Variants in ARGFX observed in about 807,000 individuals in gnomAD.
ARGFX encodes arginine-fifty homeobox.
In ARGFX, 10 loss-of-function variants were observed where a neutral mutation model predicts 8.0. The ratio of observed to expected loss-of-function variants is 1.25; its 90% CI spans 0.77 to 2.12. The LOEUF is 2.12. Among genes scored for constraint, ARGFX ranks in the 30% most tolerant of loss-of-function variants. ARGFX has a pLI of 0.00. For missense variants in ARGFX, 282 were observed against 324.3 expected (o/e 0.87, Z 1.00); for synonymous variants, 116 against 117.8 (o/e 0.98, Z 0.10).
chr3:121,572,152 G>A (rs917536829), intron 2 of ARGFX, among the ~76,000 whole-genome samples: 26 of 150,540 alleles, frequency 1.7e-4, no homozygotes, highest in African/African-American at 5.1e-4. Context: ...CTTGTGATCC[G>A]CCTGCCTCTG....
chr3:121,588,645 G>A lies in ARGFX; in HGVS notation c.*2045G>A, dbSNP rs1416271949. Among the ~76,000 whole-genome samples the A allele has an allele frequency of 6.6e-6, 1 of 151,536 alleles. No individual in the cohort carries two copies. The highest frequency in any genetic ancestry group is 2.4e-5 in the African/African-American group (1 of 41,258). Reference sequence around the variant, plus strand: ...AGAAAATGTTTTGAATAGGCCAGGCGCAGTGGCTCACACCTGTAATCCCAG... The same window carrying A: ...AGAAAATGTTTTGAATAGGCCAGGCACAGTGGCTCACACCTGTAATCCCAG... On this transcript the variant is annotated 3_prime_UTR_variant, in exon 5 of 5. Coordinates refer to ENST00000334384, the MANE Select transcript of ARGFX (RefSeq NM_001012659.2).
intron 3 of ARGFX, among the ~76,000 whole-genome samples, chr3:121,584,204 GAGGAAGGAAGGAAGGAAGGAAGGA>G (rs749567796): frequency 2.3e-3 from 241 of 104,310 alleles, no homozygotes; most frequent in Middle Eastern, 4.7e-3. Context: ...GACAGAGAGA[GAGGAAGGAAGGAAGGAAGGAAGGA>G]AGGAAGGAAG....
chr3:121,571,424 A>C (rs1401555302), intron 2 of ARGFX, among the ~76,000 whole-genome samples: 1 of 152,032 alleles, frequency 6.6e-6, no homozygotes, highest in Non-Finnish European at 1.5e-5. Context: ...ATAGCATCAA[A>C]AATAATTAGG....
chr3:121,589,428 AC>A lies in ARGFX; in HGVS notation c.*2831del, dbSNP rs1414039470. Among the ~76,000 whole-genome samples, 6 of 151,860 alleles carry A rather than the reference AC, an allele frequency of 4.0e-5. No homozygotes were observed. On this transcript the variant is annotated 3_prime_UTR_variant, in exon 5 of 5. Coordinates refer to ENST00000334384, the MANE Select transcript of ARGFX (RefSeq NM_001012659.2). ...TATTGAGATGGAGTCTTGCTCTGTC[AC>A]CCAGGCCGTGCAATCTCGGCTCACT...
At chr3:121,582,466 A>G (rs2048785369) in intron 3 of ARGFX, among the ~76,000 whole-genome samples, 1 of 152,210 alleles carries the variant, frequency 6.6e-6, no homozygotes, top group Non-Finnish European at 1.5e-5. Context: ...ATTTCTAAGT[A>G]TATTGGATTT....
chr3:121,575,462 C>T (rs1389233480), intron 2 of ARGFX, among the ~76,000 whole-genome samples: 2 of 152,130 alleles, frequency 1.3e-5, no homozygotes, highest in Non-Finnish European at 2.9e-5. Flanking sequence ...GCTCTTTTCG[C>T]TATAGTCTCT....
rs139420670 is a variant in ARGFX, at chr3:121,586,141, C to T, written c.489C>T (p.Pro163=). 6.1e-5 allele frequency: 98 copies of T among 1,613,910 alleles called. 2 individuals are homozygous for T. The highest frequency in any genetic ancestry group is 1.6e-4 in the South Asian group (15 of 91,034). Residue 163 remains proline, a synonymous_variant, in exon 5 of 5, where the codon CCC becomes CCT. Coordinates refer to ENST00000334384, the MANE Select transcript of ARGFX (RefSeq NM_001012659.2). ...KNVPTSPRTS[P]SPYAFSPVIS... is the part of the protein sequence containing the mutation. ...TGCCCACCTCCCCCAGAACATCCCC[C>T]AGTCCTTATGCTTTTTCTCCTGTGA...
At chr3:121,572,770 A>T (rs755475454) in intron 2 of ARGFX, among the ~76,000 whole-genome samples, 6 of 152,218 alleles carry the variant, frequency 3.9e-5, no homozygotes, top group Non-Finnish European at 7.3e-5. Flanking sequence ...ATTTATTACA[A>T]ATTACAGTAA....
intron 2 of ARGFX, 77 bp from the exon 3 acceptor site, chr3:121,576,707 T>TTTCTTTCTTTCTTTCTTTC (rs1553834276): frequency 5.3e-4 from 133 of 249,148 alleles, no homozygotes; most frequent in African/African-American, 3.3e-3. Context: ...CTTTCTTTCT[T>TTTCTTTCTTTCTTTCTTTC]TTTCTTTCTT....
rs2048814040 is a variant in ARGFX, at chr3:121,586,523, G to A, written c.871G>A (p.Ala291Thr). The change falls in exon 5 of 5, where the codon GCC becomes ACC. Residue 291 changes from alanine (A) to threonine (T), a missense_variant. Physicochemically the swap from Ala to Thr is moderately conservative, Grantham distance 58 (BLOSUM62 0). Transcript: ENST00000334384. ...AQTWPNMTSQ[A>T]FEAYSLTDSL... ...AACCTGGCCCAATATGACAAGCCAA[G>A]CCTTTGAAGCCTACAGTCTAACAGA... The A allele has an allele frequency of 1.9e-6, 3 of 1,614,132 alleles. No individual in the cohort carries two copies. The highest frequency in any genetic ancestry group is 2.5e-6 in the Non-Finnish European group (3 of 1,180,018).
intron 2 of ARGFX, among the ~76,000 whole-genome samples, chr3:121,573,059 G>C (rs2048717832): frequency 6.6e-6 from 1 of 152,126 alleles, no homozygotes; most frequent in Admixed American, 6.6e-5. Context: ...TAGAGGAAAA[G>C]CTTTATGACA....
chr3:121,574,242 C>A (rs1411666634), intron 2 of ARGFX, among the ~76,000 whole-genome samples: 2 of 152,160 alleles, frequency 1.3e-5, no homozygotes. Context: ...AGTCTCCAAC[C>A]TTTTTGGCAC....
At chr3:121,570,387 T>C (rs529684241) in intron 1 of ARGFX, among the ~76,000 whole-genome samples, 61 of 152,356 alleles carry the variant, frequency 4.0e-4, no homozygotes, top group Non-Finnish European at 6.6e-4. Flanking sequence ...AAATCTGTGG[T>C]CATTTGATCT....
intron 3 of ARGFX, among the ~76,000 whole-genome samples, chr3:121,579,412 G>A (rs1445886669): frequency 1.3e-5 from 2 of 151,984 alleles, no homozygotes; most frequent in Non-Finnish European, 2.9e-5. Flanking sequence ...AGTATATAAT[G>A]TTTATTTCCA....
chr3:121,572,911 G>A (rs1324689293), intron 2 of ARGFX, among the ~76,000 whole-genome samples: 1 of 152,192 alleles, frequency 6.6e-6, no homozygotes, highest in African/African-American at 2.4e-5. Flanking sequence ...GACAGTCTCT[G>A]AAACAAATGG....
chr3:121,585,911 G>A (rs1262836706), intron 4 of ARGFX, 111 bp from the exon 5 acceptor site: 2 of 1,040,276 alleles, frequency 1.9e-6, no homozygotes, highest in Middle Eastern at 2.1e-4. Context: ...CAGTGTCATG[G>A]TGAATTAGAG....
At position 121,586,755 on chromosome 3, in the gene ARGFX, T is replaced by C; in HGVS notation, c.*155T>C. 1 of 688,156 alleles carries C rather than the reference T, an allele frequency of 1.5e-6. No homozygotes were observed. The highest frequency in any genetic ancestry group is 2.4e-6 in the Non-Finnish European group (1 of 420,968). 42.6% of individuals were successfully genotyped at this position (688,156 alleles called of 1,614,324 possible). On this transcript the variant is annotated 3_prime_UTR_variant, in exon 5 of 5. Transcript: ENST00000334384. Reference sequence around the variant, plus strand: ...GCAAAAAGAGTTTTCCAAGTAGAGCTGGGCACTACGTAATCAGCCCCACAA... The same window carrying C: ...GCAAAAAGAGTTTTCCAAGTAGAGCCGGGCACTACGTAATCAGCCCCACAA...
chr3:121,580,738 G>A (rs1262621598), intron 3 of ARGFX, among the ~76,000 whole-genome samples: 5 of 150,872 alleles, frequency 3.3e-5, no homozygotes, highest in Non-Finnish European at 7.4e-5. Context: ...CTGAGTAGCT[G>A]GGATTACAGG....
intron 2 of ARGFX, 77 bp from the exon 3 acceptor site, chr3:121,576,707 T>TTCTCTTTCTTTCTTTCTTTC (rs377124457): frequency 8.1e-4 from 202 of 249,146 alleles, no homozygotes; most frequent in African/African-American, 4.6e-3. Flanking sequence ...CTTTCTTTCT[T>TTCTCTTTCTTTCTTTCTTTC]TTTCTTTCTT....
Sources: gnomAD v4.1 joint callset for allele counts (sites outside exome capture counted in the v4.1 genomes callset) on GRCh38, gnomAD v4.1.1 for gene constraint, MANE v1.5 for transcripts, NCBI Gene and HGNC (gene_info 2026-07-23, HGNC 2026-07-21) for gene names.